The following ULK4 variants were observed in gnomAD, a reference collection of about 807,000 sequenced individuals.
ULK4 encodes the protein inactive serine/threonine-protein kinase ULK4.
ULK4 carries 133 observed loss-of-function variants against 160.6 expected under a neutral mutation model. The ratio of observed to expected loss-of-function variants is 0.83; its 90% CI spans 0.72 to 0.96. The LOEUF (loss-of-function observed/expected upper bound fraction) is 0.96, where lower values mean the gene tolerates loss of function less well. Among genes scored for constraint, ULK4 ranks in the 40% least tolerant of loss-of-function variants. ULK4 has a pLI of 0.00. For missense variants in ULK4, 1,580 were observed against 1,499.5 expected (o/e 1.05, Z -0.89); for synonymous variants, 534 against 539.8 (o/e 0.99, Z 0.15).
At chr3:41,641,434 T>C (rs776199393) in intron 30 of ULK4, among the ~76,000 whole-genome samples, 2 of 152,146 alleles carry the variant, frequency 1.3e-5, no homozygotes, top group Non-Finnish European at 2.9e-5. Context: ...CGGTGGCTCA[T>C]GACTGCAATC....
chr3:41,476,740 AATTATT>A (rs943034204), intron 32 of ULK4, among the ~76,000 whole-genome samples: 15 of 151,600 alleles, frequency 9.9e-5, no homozygotes, highest in African/African-American at 3.4e-4. Flanking sequence ...CCCTTTTTTT[AATTATT>A]ATTATTTTTA....
At chr3:41,848,838 C>A (rs1017113614) in intron 17 of ULK4, among the ~76,000 whole-genome samples, 6 of 152,190 alleles carry the variant, frequency 3.9e-5, no homozygotes, top group Non-Finnish European at 7.4e-5. Context: ...CTAAGTTAGG[C>A]AGAATCAACC....
intron 35 of ULK4, among the ~76,000 whole-genome samples, chr3:41,376,791 C>T (rs1234165559): frequency 6.7e-6 from 1 of 150,054 alleles, no homozygotes; most frequent in African/African-American, 2.5e-5. Context: ...TAAAAATGGC[C>T]ATAATACCCA....
intron 18 of ULK4, among the ~76,000 whole-genome samples, chr3:41,830,987 G>A (rs966394747): frequency 1.3e-5 from 2 of 150,248 alleles, no homozygotes; most frequent in Non-Finnish European, 2.9e-5. Flanking sequence ...AATGTACATC[G>A]CACAGGGAAT....
At chr3:41,327,375 A>G (rs1392652163) in intron 35 of ULK4, among the ~76,000 whole-genome samples, 3 of 152,126 alleles carry the variant, frequency 2.0e-5, no homozygotes, top group African/African-American at 7.2e-5. Flanking sequence ...ATGGTCATTT[A>G]TGATTAGTCT....
rs531106753 is a variant in ULK4 at position 41,480,139 on chromosome 3, G to A, written c.3227-16886C>T. On this transcript the variant is annotated intron_variant, in intron 32 of 36. Coordinates refer to ENST00000301831, the MANE Select transcript of ULK4 (RefSeq NM_017886.4). ...GGAGAATGACGTGAACCTGGGAGGC[G>A]GAGCTTGCAGTGAGCCAAGATTGCA... Among the ~76,000 whole-genome samples, 37 of 150,490 alleles carry A rather than the reference G, an allele frequency of 2.5e-4. No homozygotes were observed. In the South Asian group the frequency reaches 5.7e-3, roughly 23 times the overall value.
intron 21 of ULK4, among the ~76,000 whole-genome samples, chr3:41,775,427 C>A (rs1256854816): frequency 7.0e-6 from 1 of 142,858 alleles, no homozygotes; most frequent in Non-Finnish European, 1.5e-5. Context: ...GTGATGCAGT[C>A]TTGCTCTGTC....
At chr3:41,488,825 T>C (rs1196195977) in intron 32 of ULK4, among the ~76,000 whole-genome samples, 1 of 152,180 alleles carries the variant, frequency 6.6e-6, no homozygotes, top group Non-Finnish European at 1.5e-5. Flanking sequence ...GACATTAAAG[T>C]GCTGGCTTTG....
intron 34 of ULK4, among the ~76,000 whole-genome samples, chr3:41,401,463 T>G (rs2125818212): frequency 6.6e-6 from 1 of 152,270 alleles, no homozygotes; most frequent in East Asian, 1.9e-4. Flanking sequence ...AACTTTGTCT[T>G]GTAAGAATTA....
At chr3:41,741,288 G>A (rs115487933) in intron 22 of ULK4, among the ~76,000 whole-genome samples, 1,959 of 151,780 alleles carry the variant, frequency 0.013, 86 homozygotes, top group African/African-American at 0.043. Context: ...ATTTTTTAAC[G>A]AAATTGTATA....
chr3:41,924,155 C>T (rs79829432), intron 5 of ULK4, among the ~76,000 whole-genome samples: 8,602 of 152,182 alleles, frequency 0.057, 444 homozygotes, highest in East Asian at 0.17. Context: ...TTCTTTATGG[C>T]TGTATACCAC....
At chr3:41,821,544 T>A (rs1019831315) in intron 18 of ULK4, among the ~76,000 whole-genome samples, 12 of 152,146 alleles carry the variant, frequency 7.9e-5, no homozygotes, top group Non-Finnish European at 1.6e-4. Flanking sequence ...TCCATTCCTG[T>A]CCCTCCACTT....
intron 5 of ULK4, among the ~76,000 whole-genome samples, chr3:41,924,706 T>C (rs1270871585): frequency 1.3e-5 from 2 of 152,218 alleles, no homozygotes; most frequent in Admixed American, 6.5e-5. Context: ...AGCCTTCTTC[T>C]TGGGCATGAA....
At chr3:41,614,165 C>A (rs2032842232) in intron 31 of ULK4, among the ~76,000 whole-genome samples, 2 of 152,202 alleles carry the variant, frequency 1.3e-5, no homozygotes, top group Non-Finnish European at 2.9e-5. Context: ...AACTTTCTGT[C>A]AGCCACAAAA....
intron 33 of ULK4, among the ~76,000 whole-genome samples, chr3:41,456,792 C>A (rs992038476): frequency 8.5e-5 from 13 of 152,308 alleles, no homozygotes; most frequent in African/African-American, 3.1e-4. Context: ...GGCTGCCCTG[C>A]CTTAAGTCAT....
chr3:41,667,841 T>TA (rs980273600), intron 29 of ULK4, among the ~76,000 whole-genome samples: 33 of 152,082 alleles, frequency 2.2e-4, no homozygotes, highest in South Asian at 6.2e-4. Context: ...AAAATCCCTT[T>TA]AAAAAATCAC....
At chr3:41,943,830 T>C (rs771036077) in intron 2 of ULK4, among the ~76,000 whole-genome samples, 4 of 152,220 alleles carry the variant, frequency 2.6e-5, no homozygotes, top group African/African-American at 7.2e-5. Context: ...ATTATACAAC[T>C]GTCTCCTCGC....
At chr3:41,274,689 A>G (rs566334445) in intron 35 of ULK4, among the ~76,000 whole-genome samples, 1 of 152,236 alleles carries the variant, frequency 6.6e-6, no homozygotes, top group South Asian at 2.1e-4. Flanking sequence ...AGCAGAATAA[A>G]ATTTTGGTGG....
chr3:41,694,082 C>T (rs1344522301), intron 27 of ULK4, among the ~76,000 whole-genome samples: 2 of 152,118 alleles, frequency 1.3e-5, no homozygotes, highest in Admixed American at 6.5e-5. Context: ...AATTCCATAA[C>T]AATTTATTAC....
Sources: allele counts gnomAD v4.1 joint callset (sites outside exome capture counted in the v4.1 genomes callset), GRCh38; gene constraint gnomAD v4.1.1; transcripts MANE v1.5; gene names NCBI Gene and HGNC (gene_info 2026-07-23, HGNC 2026-07-21).